Variants in SLX4 observed in about 807,000 individuals in gnomAD.
SLX4 encodes the protein SLX4 structure-specific endonuclease subunit.
Under a neutral mutation model 146.2 loss-of-function variants are expected in SLX4, and 112 were observed. The ratio of observed to expected loss-of-function variants is 0.77; its 90% CI spans 0.66 to 0.90. The LOEUF is 0.90. Among genes scored for constraint, SLX4 ranks in the 40% least tolerant of loss-of-function variants. SLX4 has a pLI of 0.00. For synonymous variants in SLX4, 1,061 were observed against 997.7 expected (o/e 1.06, Z -1.20); for missense variants, 2,563 against 2,392.7 (o/e 1.07, Z -1.49).
intron 2 of SLX4, among the ~76,000 whole-genome samples, chr16:3,608,137 T>G (rs1243329512): frequency 6.6e-6 from 1 of 152,186 alleles, no homozygotes. Context: ...CTGGGCAACA[T>G]AGTGAGACCT....
intron 12 of SLX4, among the ~76,000 whole-genome samples, chr16:3,585,800 C>CAAA (rs1226056168): frequency 9.9e-5 from 6 of 60,724 alleles, no homozygotes; most frequent in African/African-American, 3.9e-4. Context: ...CCTATCTCTA[C>CAAA]AAAAAAAAAA....
intron 2 of SLX4, among the ~76,000 whole-genome samples, chr16:3,607,224 G>A (rs2040796469): frequency 6.6e-6 from 1 of 152,086 alleles, no homozygotes; most frequent in South Asian, 2.1e-4. Flanking sequence ...GTGTTTTGGG[G>A]GAACCATGCA....
Position 3,591,154 on chromosome 16 carries a change from C to G in SLX4, c.2484G>C (p.Glu828Asp), listed in dbSNP as rs199656607. The change falls in exon 12 of 15, where the codon GAG becomes GAC. Residue 828 changes from glutamate to aspartate, a missense_variant. Physicochemically the swap from Glu to Asp is conservative, Grantham distance 45. Coordinates refer to ENST00000294008, the MANE Select transcript of SLX4 (RefSeq NM_032444.4). ...LLRSMWADEEEEAETLLKSKD... is the reference protein window; with the variant it reads ...LLRSMWADEEDEAETLLKSKD... ...TGGATTTCAACAAAGTCTCCGCTTCCTCCTCTTCATCTGCCCACATTGACC... is the reference window on the plus strand; with the variant it reads ...TGGATTTCAACAAAGTCTCCGCTTCGTCCTCTTCATCTGCCCACATTGACC... 7.0e-5 allele frequency: 113 copies of G among 1,614,222 alleles called. No homozygotes were observed. The highest frequency in any genetic ancestry group is 1.3e-5 in the Non-Finnish European group (15 of 1,180,050).
chr16:3,584,175 C>T (rs1363753140), intron 13 of SLX4, among the ~76,000 whole-genome samples: 1 of 152,198 alleles, frequency 6.6e-6, no homozygotes, highest in Non-Finnish European at 1.5e-5. Context: ...GTAATCCCAG[C>T]ATTTTGGGAA....
intron 3 of SLX4, among the ~76,000 whole-genome samples, chr16:3,605,033 A>G (rs28840400): frequency 0.091 from 13,547 of 148,490 alleles, 749 homozygotes; most frequent in African/African-American, 0.15. Flanking sequence ...CAATCCTCCC[A>G]CCTCAGCCTC....
Position 3,602,230 on chromosome 16 carries a change from C to T in SLX4, c.838G>A (p.Gly280Arg). 1 of 1,614,190 alleles carries T rather than the reference C, an allele frequency of 6.2e-7. No individual in the cohort carries two copies. The highest frequency in any genetic ancestry group is 8.5e-7 in the Non-Finnish European group (1 of 1,180,046). ...LTLQQEFARV[G>R]ASAHDDSLEE... The stretch of plus-strand genomic sequence containing the variant: ...AGGCTATCATCATGTGCCGATGCTC[C>T]TACCCGTGCAAACTCCTGCTGCAGG... Residue 280 changes from glycine to arginine, a missense_variant, in exon 4 of 15, where the codon GGA becomes AGA. Coordinates refer to ENST00000294008, the MANE Select transcript of SLX4 (RefSeq NM_032444.4).
chr16:3,596,564 GATGCTTTTCCCCAGCACTCATGTCAAC>G (rs1346927595), intron 7 of SLX4, among the ~76,000 whole-genome samples, 171 bp from the exon 8 acceptor site: 2 of 152,360 alleles, frequency 1.3e-5, no homozygotes, highest in East Asian at 3.9e-4. Flanking sequence ...GCAGTCCTGG[GATGCTTTTCCCCAGCACTCATGTCAAC>G]ATGCTCCTCC....
rs749696604 is a variant in SLX4 at position 3,597,433 on chromosome 16, C to T, written c.1629G>A (p.Glu543=). 2.6e-5 allele frequency: 42 copies of T among 1,608,794 alleles called. No homozygotes were observed. Among genetic ancestry groups the T allele is most frequent in the Non-Finnish European group, 3.3e-5 (39 of 1,177,840 alleles). The change falls in exon 7 of 15, where the codon GAG becomes GAA. Residue 543 remains glutamate, a synonymous_variant. Transcript: ENST00000294008. The surrounding 1 kb of genome is among the most constrained non-coding windows in gnomAD (Gnocchi z 4.4). Reference sequence around the variant, plus strand: ...GGACCAGCCTGGCCGTGTAGAAGTCCTCCATGGCCCAGGCCCCAGTCAGTG... The same window carrying T: ...GGACCAGCCTGGCCGTGTAGAAGTCTTCCATGGCCCAGGCCCCAGTCAGTG... ...GSALTGAWAM[E]DFYTARLVPP...
Position 3,597,878 on chromosome 16 carries a change from G to A in SLX4, c.1285C>T (p.Arg429Trp), listed in dbSNP as rs532023958. 1.7e-5 allele frequency: 27 copies of A among 1,614,076 alleles called. No individual in the cohort carries two copies. Among genetic ancestry groups the A allele is most frequent in the Middle Eastern group, 3.3e-4 (2 of 6,062 alleles). ...EDLLVAMALS[R>W]SEMEPGAAVP... ...GCCGCACCCGGCTCCATCTCCGACC[G>A]GGACAGAGCCATGGCCACCAGCAGG... The change falls in exon 6 of 15, where the codon CGG becomes TGG. Residue 429 changes from arginine to tryptophan, a missense_variant. Arg to Trp is a moderately radical substitution (Grantham distance 101). Transcript: ENST00000294008. This position sits in a 1 kb window ranked among gnomAD's most constrained non-coding sequence, Gnocchi z 4.4.
chr16:3,589,474 T>TG lies in SLX4; in HGVS notation c.4163dup (p.Ala1389SerfsTer3). ...CTCCGACTTCCACCACTTCACCCGC[T>TG]GGGGTCTGGTTCAGGAAGCTTGGCC... On this transcript the variant is annotated frameshift_variant, in exon 12 of 15. Coordinates refer to ENST00000294008, the MANE Select transcript of SLX4 (RefSeq NM_032444.4). LOFTEE classifies it high-confidence loss of function. This position sits in a 1 kb window ranked among gnomAD's most constrained non-coding sequence, Gnocchi z 6.2. The TG allele has an allele frequency of 1.9e-6, 3 of 1,608,798 alleles. No homozygotes were observed. The South Asian group carries it at 3.3e-5, about 18-fold the overall frequency.
At chr16:3,605,840 G>A (rs983562868) in intron 3 of SLX4, among the ~76,000 whole-genome samples, 5 of 151,558 alleles carry the variant, frequency 3.3e-5, no homozygotes, top group African/African-American at 4.9e-5. Flanking sequence ...CCAGCTACTC[G>A]GGAGGCTGAG....
At chr16:3,596,563 G>C (rs1219564952) in intron 7 of SLX4, among the ~76,000 whole-genome samples, 170 bp from the exon 8 acceptor site, 1 of 152,218 alleles carries the variant, frequency 6.6e-6, no homozygotes, top group Non-Finnish European at 1.5e-5. Flanking sequence ...AGCAGTCCTG[G>C]GATGCTTTTC....
At position 3,583,515 on chromosome 16, in the gene SLX4, C is replaced by T. The variant is rs372656323; in HGVS notation, c.4740-5G>A. On this transcript the variant is annotated splice_polypyrimidine_tract_variant and splice_region_variant and intron_variant, in intron 13 of 14. Transcript: ENST00000294008. ...GGCAGAGGGCGGACTCCAAACCTGA[C>T]GGAGGAACAGGTGGATCTCAGGACC... is the stretch of plus-strand genomic sequence containing the variant. 2.7e-5 allele frequency: 43 copies of T among 1,613,972 alleles called. No individual in the cohort carries two copies. Among genetic ancestry groups the T allele is most frequent in the African/African-American group, 8.0e-5 (6 of 75,034 alleles).
chr16:3,590,461 G>T lies in SLX4; in HGVS notation c.3177C>A (p.Pro1059=). The T allele has an allele frequency of 6.2e-7, 1 of 1,614,174 alleles. No individual in the cohort carries two copies. The highest frequency in any genetic ancestry group is 2.2e-5 in the East Asian group (1 of 44,872). The stretch of plus-strand genomic sequence containing the variant: ...CCTGGGAAGTTCCGCCACGGGACCG[G>T]GGTGTTGACAGGGACGACCCACTTG... ...HHTSGSSLST[P]RSRGGTSQVG... is the part of the protein sequence containing the mutation. The change falls in exon 12 of 15, where the codon CCC becomes CCA. Residue 1059 remains proline (P), a synonymous_variant. Coordinates refer to ENST00000294008, the MANE Select transcript of SLX4 (RefSeq NM_032444.4). The surrounding 1 kb of genome is among the most constrained non-coding windows in gnomAD (Gnocchi z 4.8).
Position 3,589,373 on chromosome 16 carries a change from G to A in SLX4, c.4265C>T (p.Pro1422Leu), listed in dbSNP as rs2040547719. 6.3e-7 allele frequency: 1 copy of A among 1,588,606 alleles called. No individual in the cohort carries two copies. The highest frequency in any genetic ancestry group is 1.3e-5 in the African/African-American group (1 of 74,236). ...SPPLDSDPPI[P>L]IDDCCWHMEP... ...CATGTGCCAGCAGCAGTCGTCAATT[G>A]GAATTGGGGGGTCACTGTCCAGTGG... is the stretch of plus-strand genomic sequence containing the variant. The change falls in exon 12 of 15, where the codon CCA becomes CTA. Residue 1422 changes from proline (P) to leucine (L), a missense_variant. Physicochemically the swap from Pro to Leu is moderately conservative, Grantham distance 98. Coordinates refer to ENST00000294008, the MANE Select transcript of SLX4 (RefSeq NM_032444.4). This position sits in a 1 kb window ranked among gnomAD's most constrained non-coding sequence, Gnocchi z 6.2.
Position 3,584,345 on chromosome 16 carries a change from C to T in SLX4, c.4739+424G>A, listed in dbSNP as rs559189551. Among the ~76,000 whole-genome samples the T allele has an allele frequency of 1.2e-4, 18 of 151,702 alleles. No homozygotes were observed. The East Asian group carries it at 2.5e-3, about 21-fold the overall frequency. Reference sequence around the variant, plus strand: ...CTGAGTCAGGAGAATCGCTTGAACCCGGGAGGTGGAGGTTGCAGTGAGCCG... The same window carrying T: ...CTGAGTCAGGAGAATCGCTTGAACCTGGGAGGTGGAGGTTGCAGTGAGCCG... On this transcript the variant is annotated intron_variant, in intron 13 of 14. Transcript: ENST00000294008.
At chr16:3,594,908 T>G (rs1039906724) in intron 9 of SLX4, among the ~76,000 whole-genome samples, 2 of 151,994 alleles carry the variant, frequency 1.3e-5, no homozygotes, top group Middle Eastern at 3.2e-3. Flanking sequence ...CCGCACTGAG[T>G]GGGACAGGCT....
intron 5 of SLX4, among the ~76,000 whole-genome samples, chr16:3,599,928 C>G (rs1318938512): frequency 6.6e-6 from 1 of 152,162 alleles, no homozygotes; most frequent in African/African-American, 2.4e-5. Flanking sequence ...CTTATGTTAA[C>G]AGTGTGAAAA....
Position 3,608,487 on chromosome 16 carries a change from T to A in SLX4, c.478A>T (p.Thr160Ser). 6.2e-7 allele frequency: 1 copy of A among 1,614,158 alleles called. No homozygotes were observed. The highest frequency in any genetic ancestry group is 8.5e-7 in the Non-Finnish European group (1 of 1,180,030). ...GGTTCTTGCTGGTTACCCGTCTGGG[T>A]GTTTTGTGCTGTTTCCCGGAGCACA... ...PPVLRETAQN[T>S]QTGNQQEPSP... is the part of the protein sequence containing the mutation. Residue 160 changes from threonine (T) to serine (S), a missense_variant, in exon 2 of 15, where the codon ACC becomes TCC. Coordinates refer to ENST00000294008, the MANE Select transcript of SLX4 (RefSeq NM_032444.4).
Sources: gnomAD v4.1 joint callset for allele counts (sites outside exome capture counted in the v4.1 genomes callset) on GRCh38, gnomAD v4.1.1 for gene constraint, Gnocchi (gnomAD v3.1) non-coding constraint, MANE v1.5 for transcripts, NCBI Gene and HGNC (gene_info 2026-07-23, HGNC 2026-07-21) for gene names.